Variants in SORBS2 observed in about 807,000 individuals in gnomAD.
The protein encoded by SORBS2 is sorbin and SH3 domain containing 2.
Under a neutral mutation model 97.7 loss-of-function variants are expected in SORBS2, and 46 were observed. That is an observed-to-expected ratio of 0.47 (90% CI 0.37 to 0.60). SORBS2 has a LOEUF of 0.60. Ranked by LOEUF, SORBS2 falls within the 20% of genes least tolerant of loss-of-function variation. The pLI, the probability that SORBS2 is intolerant of heterozygous loss-of-function variation, is 0.00. For missense variants in SORBS2, 1,316 were observed against 1,282.3 expected (o/e 1.03, Z -0.40); for synonymous variants, 476 against 473.4 (o/e 1.01, Z -0.07).
chr4:185,886,703 A>G (rs2099239848), intron 1 of SORBS2, among the ~76,000 whole-genome samples: 1 of 152,210 alleles, frequency 6.6e-6, no homozygotes, highest in Admixed American at 6.5e-5. Flanking sequence ...AAAGGAAATT[A>G]GAAGATCTGT....
chr4:185,853,482 A>G (rs567065420), intron 1 of SORBS2, among the ~76,000 whole-genome samples: 36 of 152,308 alleles, frequency 2.4e-4, no homozygotes, highest in African/African-American at 6.7e-4. Flanking sequence ...ACGGGGGCCA[A>G]TTAGGGCAGC....
rs141202425 is a variant in SORBS2 at position 185,900,559 on chromosome 4, A to G, written c.-338+55637T>C. Among the ~76,000 whole-genome samples the G allele has an allele frequency of 6.7e-3, 1,026 of 152,358 alleles. 10 individuals are homozygous for G. The highest frequency in any genetic ancestry group is 0.012 in the Non-Finnish European group (793 of 68,034). On this transcript the variant is annotated intron_variant, in intron 1 of 20. Coordinates refer to the SORBS2 transcript ENST00000284776. The stretch of plus-strand genomic sequence containing the variant: ...CTCATTAATTGTGAAATAATTTAGG[A>G]CAAAACCAAGAACAGATGAAAACAG...
At chr4:185,626,719 G>T in intron 6 of SORBS2, 113 bp downstream of exon 18, 1 of 989,172 alleles carries the variant, frequency 1.0e-6, no homozygotes, top group Non-Finnish European at 1.6e-6. Flanking sequence ...TTTTATTCCA[G>T]ACACTGTAGG....
chr4:185,622,858 A>C, intron 7 of SORBS2, 56 bp downstream of exon 19: 1 of 1,490,340 alleles, frequency 6.7e-7, no homozygotes, highest in Non-Finnish European at 9.0e-7. Flanking sequence ...GGAAAATGAA[A>C]GAGCTGGAGG....
chr4:185,930,814 TG>T (rs1168576874), intron 1 of SORBS2, among the ~76,000 whole-genome samples: 3 of 152,356 alleles, frequency 2.0e-5, no homozygotes, highest in African/African-American at 7.2e-5. Flanking sequence ...AATTCTGTGA[TG>T]GAAAAAGTAA....
At chr4:185,728,479 C>T (rs114612371) in intron 2 of SORBS2, among the ~76,000 whole-genome samples, 43 of 152,222 alleles carry the variant, frequency 2.8e-4, no homozygotes, top group African/African-American at 9.9e-4. Context: ...ACTGGTAATA[C>T]TTCTTTCTCC....
At chr4:185,818,575 A>G (rs2099194740) in intron 1 of SORBS2, among the ~76,000 whole-genome samples, 1 of 152,160 alleles carries the variant, frequency 6.6e-6, no homozygotes, top group Non-Finnish European at 1.5e-5. Context: ...CATTTCCTGC[A>G]TCAAAGGAAG....
intron 2 of SORBS2, among the ~76,000 whole-genome samples, chr4:185,699,908 C>T (rs2098235379): frequency 6.6e-6 from 1 of 152,090 alleles, no homozygotes; most frequent in African/African-American, 2.4e-5. Context: ...TCTCTATGTA[C>T]TAAATGTACA....
At chr4:185,633,556 A>G (rs2096942294) in intron 4 of SORBS2, among the ~76,000 whole-genome samples, 1 of 151,778 alleles carries the variant, frequency 6.6e-6, no homozygotes, top group Non-Finnish European at 1.5e-5. Flanking sequence ...ATTATTGTGT[A>G]ATATTAATTA....
chr4:185,614,903 G>T (rs201889866), exon 11 of SORBS2: 1 of 1,614,092 alleles, frequency 6.2e-7, no homozygotes, highest in South Asian at 1.1e-5. Context: ...CGATTTCTCC[G>T]GGCTGGGCTG....
intron 6 of SORBS2, among the ~76,000 whole-genome samples, chr4:185,626,426 C>T (rs961545101): frequency 1.3e-5 from 2 of 152,128 alleles, no homozygotes; most frequent in African/African-American, 2.4e-5. Flanking sequence ...ATATTTTAGC[C>T]AACAATTTGC....
At chr4:185,711,904 T>C (rs1030504566) in intron 2 of SORBS2, among the ~76,000 whole-genome samples, 4 of 152,166 alleles carry the variant, frequency 2.6e-5, no homozygotes, top group African/African-American at 9.7e-5. Flanking sequence ...TCCTCTCCAC[T>C]GATGGAGTTT....
chr4:185,622,453 T>C lies in SORBS2; in HGVS notation c.2215+461A>G, dbSNP rs142421622. 9.9e-4 allele frequency among the ~76,000 whole-genome samples: 151 copies of C among 152,370 alleles called. No homozygotes were observed. The East Asian group carries it at 0.023, about 23-fold the overall frequency. Reference sequence around the variant, plus strand: ...TACTAATCACATATTTCAGTTTTGCTTCTTGAATGTTTTGATATAGTATCT... The same window carrying C: ...TACTAATCACATATTTCAGTTTTGCCTCTTGAATGTTTTGATATAGTATCT... On this transcript the variant is annotated intron_variant, in intron 7 of 14. Transcript: ENST00000418609.
At chr4:185,780,465 T>A (rs1395493211) in intron 1 of SORBS2, among the ~76,000 whole-genome samples, 3 of 152,208 alleles carry the variant, frequency 2.0e-5, no homozygotes, top group African/African-American at 7.2e-5. Context: ...TGCCACCTGC[T>A]GAACAATGTA....
In SORBS2 at chr4:185,623,422, G is replaced by A; in HGVS notation, c.1707C>T (p.Tyr569=). 6.2e-7 allele frequency: 1 copy of A among 1,611,418 alleles called. No homozygotes were observed. The highest frequency in any genetic ancestry group is 8.5e-7 in the Non-Finnish European group (1 of 1,180,016). The change falls in exon 7 of 15, where the codon TAC becomes TAT. Residue 569 remains tyrosine, a synonymous_variant. Transcript: ENST00000418609. The surrounding 1 kb of genome is among the most constrained non-coding windows in gnomAD (Gnocchi z 6.4). ...GTTTTAACATTGTGGTAAATCGAGT[G>A]TAGGAGGCCGGGCACCTGCCTTTGC...
chr4:185,652,695 T>C, exon 2 of SORBS2: 1 of 1,614,210 alleles, frequency 6.2e-7, no homozygotes, highest in Non-Finnish European at 8.5e-7. Flanking sequence ...TGCTTAAACA[T>C]CGTCTTGTAC....
intron 2 of SORBS2, among the ~76,000 whole-genome samples, chr4:185,715,513 T>A (rs969620746): frequency 2.0e-5 from 3 of 151,894 alleles, no homozygotes; most frequent in African/African-American, 7.2e-5. Flanking sequence ...AACATGAGAC[T>A]GAAAATTTAA....
chr4:185,824,271 T>C (rs2099198519), intron 1 of SORBS2, among the ~76,000 whole-genome samples: 1 of 152,168 alleles, frequency 6.6e-6, no homozygotes, highest in Non-Finnish European at 1.5e-5. Context: ...ACCTGGCTTG[T>C]GGCAGTGTAA....
intron 4 of SORBS2, among the ~76,000 whole-genome samples, chr4:185,662,700 G>C (rs73013612): frequency 0.014 from 2,160 of 152,324 alleles, 38 homozygotes; most frequent in African/African-American, 0.05. Context: ...ATATCTTCTA[G>C]TGAATGAATG....
Sources: allele counts gnomAD v4.1 joint callset (sites outside exome capture counted in the v4.1 genomes callset), GRCh38; gene constraint gnomAD v4.1.1; non-coding constraint Gnocchi (gnomAD v3.1); transcripts MANE v1.5; gene names NCBI Gene and HGNC (gene_info 2026-07-23, HGNC 2026-07-21).